The following ESR1 variants were observed in gnomAD, a reference collection of about 807,000 sequenced individuals.
The protein encoded by ESR1 is estrogen receptor.
In ESR1, 12 loss-of-function variants were observed where a neutral mutation model predicts 52.7. The observed-to-expected ratio is 0.23, with a 90% confidence interval of 0.15 to 0.37. ESR1 has a LOEUF of 0.37. Ranked by LOEUF, ESR1 falls within the 10% of genes least tolerant of loss-of-function variation. ESR1 has a pLI of 1.00. For missense variants in ESR1, 584 were observed against 779.7 expected (o/e 0.75, Z 2.99); for synonymous variants, 305 against 316.8 (o/e 0.96, Z 0.39).
At chr6:151,900,396 C>T (rs12174347) in intron 3 of ESR1, among the ~76,000 whole-genome samples, 1 of 152,136 alleles carries the variant, frequency 6.6e-6, no homozygotes, top group Non-Finnish European at 1.5e-5. Flanking sequence ...TTCTCTGGTG[C>T]CTCCTTAATT....
intron 4 of ESR1, among the ~76,000 whole-genome samples, chr6:151,961,717 A>G (rs1490735677): frequency 6.6e-6 from 1 of 152,150 alleles, no homozygotes; most frequent in African/African-American, 2.4e-5. Context: ...GAGAGTGAAC[A>G]TGGGGCAGAC....
intron 6 of ESR1, among the ~76,000 whole-genome samples, chr6:152,119,175 A>T (rs904185695): frequency 2.6e-5 from 4 of 152,182 alleles, no homozygotes; most frequent in Non-Finnish European, 4.4e-5. Flanking sequence ...TAAGTTTTGT[A>T]GCTATAATGT....
intron 5 of ESR1, among the ~76,000 whole-genome samples, chr6:152,012,810 G>A (rs9340978): frequency 0.049 from 7,399 of 152,210 alleles, 224 homozygotes; most frequent in Middle Eastern, 0.099. Context: ...TTTTGCCTCC[G>A]TGCCAAGCAG....
intron 5 of ESR1, among the ~76,000 whole-genome samples, chr6:152,033,589 A>G (rs1450356263): frequency 6.6e-6 from 1 of 152,242 alleles, no homozygotes; most frequent in Non-Finnish European, 1.5e-5. Context: ...CAAAACCACA[A>G]TGAGATACCA....
rs182891509 is a variant in ESR1 at position 151,709,751 on chromosome 6, T to C, written c.-71+7746T>C. Among the ~76,000 whole-genome samples, 145 of 152,008 alleles carry C rather than the reference T, an allele frequency of 9.5e-4. 2 individuals carry two copies. Among genetic ancestry groups the C allele is most frequent in the Admixed American group, 9.0e-3 (137 of 15,270 alleles). On this transcript the variant is annotated intron_variant, in intron 2 of 2. Transcript: ENST00000404742. ...ATTTTTTCTATAGATTTTTTTTTTT[T>C]GGTCAGTGGATTGCTAAATCTTACC... is the stretch of plus-strand genomic sequence containing the variant.
intron 3 of ESR1, among the ~76,000 whole-genome samples, chr6:151,881,748 T>TG (rs368640915): frequency 5.0e-4 from 76 of 152,166 alleles, no homozygotes; most frequent in African/African-American, 1.8e-3. Flanking sequence ...CTGGGTATGG[T>TG]GGCGAGTGCC....
In ESR1 at chr6:152,094,615, G is replaced by A; in HGVS notation, c.1553+47G>A. 1.9e-6 allele frequency: 3 copies of A among 1,579,700 alleles called. No individual in the cohort carries two copies. The highest frequency in any genetic ancestry group is 2.6e-6 in the Non-Finnish European group (3 of 1,155,942). ...TACAGGAGAGACATAAAGAAAACAT[G>A]CCCCCAAACCTATGTGACAGCTGGC... is the stretch of plus-strand genomic sequence containing the variant. On this transcript the variant is annotated intron_variant, in intron 7 of 7. Transcript: ENST00000206249. The surrounding 1 kb of genome is among the most constrained non-coding windows in gnomAD (Gnocchi z 4.6).
Position 151,939,584 on chromosome 6 carries a change from C to T in ESR1, c.761-4589C>T, listed in dbSNP as rs189326417. Among the ~76,000 whole-genome samples the T allele has an allele frequency of 3.4e-3, 521 of 151,948 alleles. 3 individuals are homozygous for T. The highest frequency in any genetic ancestry group is 0.012 in the African/African-American group (490 of 41,412). ...CCTAGGGTAAAATTGAAATAGAAGT[C>T]GCATCCTTTTTTTTTTACCTTCTTC... On this transcript the variant is annotated intron_variant, in intron 3 of 7. Transcript: ENST00000206249.
At chr6:151,899,598 G>A (rs1796306922) in intron 3 of ESR1, among the ~76,000 whole-genome samples, 1 of 151,152 alleles carries the variant, frequency 6.6e-6, no homozygotes, top group African/African-American at 2.4e-5. Context: ...CTCCCTCCCG[G>A]ACGGGGTGGC....
intron 5 of ESR1, among the ~76,000 whole-genome samples, chr6:152,049,082 C>T (rs1189201639): frequency 6.6e-6 from 1 of 152,194 alleles, no homozygotes. Context: ...ACAACCATTA[C>T]AGAATTTTCC....
At chr6:151,993,218 TGC>T (rs1312392256) in intron 4 of ESR1, among the ~76,000 whole-genome samples, 2 of 152,168 alleles carry the variant, frequency 1.3e-5, no homozygotes, top group Non-Finnish European at 2.9e-5. Context: ...CCTGGGCAAC[TGC>T]CAATCTATAA....
Position 151,959,179 on chromosome 6 carries a change from A to T in ESR1, c.1096+14671A>T, listed in dbSNP as rs192288536. On this transcript the variant is annotated intron_variant, in intron 4 of 7. Coordinates refer to ENST00000206249, the MANE Select transcript of ESR1 (RefSeq NM_000125.4). ...TGTGTGAACTGGCCATCTCAAGACTAAGTATTTAGCAGGAAATGCCCCCTA... is the reference window on the plus strand; with the variant it reads ...TGTGTGAACTGGCCATCTCAAGACTTAGTATTTAGCAGGAAATGCCCCCTA... Among the ~76,000 whole-genome samples the T allele has an allele frequency of 4.6e-5, 7 of 152,220 alleles. No homozygotes were observed. In the East Asian group the frequency reaches 1.4e-3, roughly 29 times the overall value.
chr6:152,094,504 C>G lies in ESR1; in HGVS notation c.1489C>G (p.Leu497Val), dbSNP rs1463860678. ...CCTGATGGCCAAGGCAGGCCTGACCCTGCAGCAGCAGCACCAGCGGCTGGC... is the reference window on the plus strand; with the variant it reads ...CCTGATGGCCAAGGCAGGCCTGACCGTGCAGCAGCAGCACCAGCGGCTGGC... Reference protein sequence around the residue: ...IHLMAKAGLTLQQQHQRLAQL... With the variant: ...IHLMAKAGLTVQQQHQRLAQL... Residue 497 changes from leucine to valine, a missense_variant, in exon 7 of 8, where the codon CTG becomes GTG. Coordinates refer to ENST00000206249, the MANE Select transcript of ESR1 (RefSeq NM_000125.4). The surrounding 1 kb of genome is among the most constrained non-coding windows in gnomAD (Gnocchi z 4.6). The G allele has an allele frequency of 1.2e-6, 2 of 1,614,186 alleles. No individual in the cohort carries two copies. The highest frequency in any genetic ancestry group is 1.7e-6 in the Non-Finnish European group (2 of 1,180,042).
Position 152,098,961 on chromosome 6 carries a change from G to T in ESR1, c.1783G>T (p.Val595Phe), listed in dbSNP as rs1245278979. The T allele has an allele frequency of 1.9e-6, 3 of 1,612,718 alleles. No individual in the cohort carries two copies. Among genetic ancestry groups the T allele is most frequent in the Non-Finnish European group, 2.5e-6 (3 of 1,178,826 alleles). ...GGAGGCAGAGGGTTTCCCTGCCACG[G>T]TCTGAGAGCTCCCTGGCTCCCACAC... ...TGEAEGFPATV is the reference protein window; with the variant it reads ...TGEAEGFPATF The change falls in exon 8 of 8, where the codon GTC (valine) becomes TTC (phenylalanine). Residue 595 changes from valine to phenylalanine, a missense_variant. Physicochemically the swap from Val to Phe is conservative, Grantham distance 50. This residue lies in a region of ESR1 where 71 missense variants were observed against 66.1 expected (regional missense o/e 1.07). Coordinates refer to ENST00000206249, the MANE Select transcript of ESR1 (RefSeq NM_000125.4). This position sits in a 1 kb window ranked among gnomAD's most constrained non-coding sequence, Gnocchi z 5.1.
intron 3 of ESR1, among the ~76,000 whole-genome samples, chr6:151,886,097 T>C (rs1243728330): frequency 6.6e-6 from 1 of 152,138 alleles, no homozygotes; most frequent in Non-Finnish European, 1.5e-5. Flanking sequence ...TTCTACAAGA[T>C]ATAAATTTCT....
chr6:151,910,979 C>T (rs889496130), intron 3 of ESR1, among the ~76,000 whole-genome samples: 1 of 152,112 alleles, frequency 6.6e-6, no homozygotes, highest in Non-Finnish European at 1.5e-5. Flanking sequence ...AAGGAGCACA[C>T]AGCCTTGAGC....
chr6:151,696,729 T>A (rs916363030), intron 1 of ESR1, among the ~76,000 whole-genome samples: 7 of 152,124 alleles, frequency 4.6e-5, no homozygotes, highest in African/African-American at 1.7e-4. Flanking sequence ...CTACAATATG[T>A]GCCTAAAGCC....
chr6:151,736,375 G>GTTCTTTTTTTTT (rs748276035), intron 2 of ESR1, among the ~76,000 whole-genome samples: 28,823 of 109,878 alleles, frequency 0.26, 5,240 homozygotes, highest in Non-Finnish European at 0.28. Flanking sequence ...TCCAGGTAGT[G>GTTCTTTTTTTTT]TTTTTTTTTT....
Position 151,669,149 on chromosome 6 carries a change from A to G in ESR1, n.73+12386A>G, listed in dbSNP as rs1262574586. Among the ~76,000 whole-genome samples, 100 of 98,902 alleles carry G rather than the reference A, an allele frequency of 1.0e-3. 1 individual carries two copies. Among genetic ancestry groups the G allele is most frequent in the African/African-American group, 3.4e-3 (84 of 24,554 alleles). The allele number at this position is 98,902 out of a possible 152,430, so 64.9% of individuals were successfully genotyped here. ...GGTAGGAAGCTCTTTGGGAGCTGGG[A>G]GAGAGAGAGAGAGAGAGAGAGAGAG... is the stretch of plus-strand genomic sequence containing the variant. On this transcript the variant is annotated intron_variant and non_coding_transcript_variant, in intron 1 of 2. Coordinates refer to the ESR1 transcript ENST00000473497.
Sources: gnomAD v4.1 joint callset for allele counts (sites outside exome capture counted in the v4.1 genomes callset) on GRCh38, gnomAD v4.1.1 for gene constraint, gnomAD v4.1.1 regional missense constraint, Gnocchi (gnomAD v3.1) non-coding constraint, MANE v1.5 for transcripts, NCBI Gene and HGNC (gene_info 2026-07-23, HGNC 2026-07-21) for gene names.